Variants in DCAF1 observed in about 807,000 individuals in gnomAD.
DCAF1 encodes DDB1- and CUL4-associated factor 1.
DCAF1 carries 15 observed loss-of-function variants against 128.0 expected under a neutral mutation model. The observed-to-expected ratio is 0.12, with a 90% CI of 0.08 to 0.18. The LOEUF (loss-of-function observed/expected upper bound fraction) is 0.18. Among genes scored for constraint, DCAF1 ranks in the 10% least tolerant of loss-of-function variants. The pLI is 1.00. For synonymous variants in DCAF1, 610 were observed against 603.0 expected (o/e 1.01, Z -0.17); for missense variants, 988 against 1,649.5 (o/e 0.60, Z 6.95).
At chr3:51,479,239 G>A (rs571792531) in intron 3 of DCAF1, among the ~76,000 whole-genome samples, 22 of 152,286 alleles carry the variant, frequency 1.4e-4, no homozygotes, top group Non-Finnish European at 2.2e-4. Flanking sequence ...GGTGGCTCAC[G>A]CCTATAATCT....
intron 14 of DCAF1, among the ~76,000 whole-genome samples, chr3:51,421,287 C>A (rs373573625): frequency 6.6e-6 from 1 of 152,106 alleles, no homozygotes; most frequent in African/African-American, 2.4e-5. Context: ...GGCAGAGTCT[C>A]GCTCTGTCGC....
chr3:51,396,677 T>G (rs1559459938), downstream of DCAF1: 1 of 167,130 alleles, frequency 6.0e-6, no homozygotes, highest in Non-Finnish European at 1.5e-5. Flanking sequence ...AGCTGATGCC[T>G]CCTTAGCCCC....
intron 9 of DCAF1, among the ~76,000 whole-genome samples, chr3:51,433,886 G>T (rs2107594809): frequency 6.6e-6 from 1 of 150,712 alleles, no homozygotes; most frequent in East Asian, 2.1e-4. Context: ...TTCGAGACCA[G>T]CCTGGCCAAC....
intron 15 of DCAF1, 36 bp from the exon 16 acceptor site, chr3:51,418,912 T>A (rs965132107): frequency 2.6e-6 from 4 of 1,558,598 alleles, no homozygotes; most frequent in African/African-American, 1.4e-5. Context: ...AGGCAAAGAA[T>A]GTGCAGGGAC....
chr3:51,459,891 T>C (rs1288193506), intron 6 of DCAF1, among the ~76,000 whole-genome samples: 64 of 152,324 alleles, frequency 4.2e-4, no homozygotes, highest in African/African-American at 1.2e-3. Flanking sequence ...AAATTAGGTA[T>C]TGATGGGACC....
At chr3:51,472,658 TTTCATTAA>T (rs1208894242) in intron 3 of DCAF1, among the ~76,000 whole-genome samples, 2 of 152,024 alleles carry the variant, frequency 1.3e-5, no homozygotes, top group African/African-American at 4.8e-5. Context: ...AAAAGTTCTG[TTTCATTAA>T]TGCATTTTTT....
chr3:51,428,331 C>CTTTTTTT (rs35486639), intron 12 of DCAF1, among the ~76,000 whole-genome samples: 2 of 110,512 alleles, frequency 1.8e-5, no homozygotes, highest in East Asian at 2.7e-4. Flanking sequence ...CCACCATGCC[C>CTTTTTTT]TTTTTTTTTT....
At chr3:51,472,750 C>G (rs1553648877) in intron 3 of DCAF1, among the ~76,000 whole-genome samples, 1 of 151,514 alleles carries the variant, frequency 6.6e-6, no homozygotes, top group African/African-American at 2.4e-5. Context: ...CCACAACCTC[C>G]GCCTCCCAGG....
At chr3:51,405,158 C>T (rs2106916770) in intron 23 of DCAF1, among the ~76,000 whole-genome samples, 1 of 152,236 alleles carries the variant, frequency 6.6e-6, no homozygotes, top group East Asian at 1.9e-4. Context: ...GGACAGAACA[C>T]TTATATTTAA....
At chr3:51,399,598 G>A (rs1190730046) in intron 24 of DCAF1, among the ~76,000 whole-genome samples, 3 of 152,172 alleles carry the variant, frequency 2.0e-5, no homozygotes, top group African/African-American at 7.2e-5. Context: ...CTGTTAAGGG[G>A]TGAAACTTAA....
intron 3 of DCAF1, among the ~76,000 whole-genome samples, chr3:51,476,136 G>A (rs1247156939): frequency 4.6e-5 from 7 of 151,774 alleles, no homozygotes; most frequent in South Asian, 2.1e-4. Context: ...CGGGCCAGGC[G>A]CAGTGGAGCA....
intron 6 of DCAF1, among the ~76,000 whole-genome samples, chr3:51,460,167 C>T (rs1476429975): frequency 6.6e-6 from 1 of 152,176 alleles, no homozygotes; most frequent in East Asian, 1.9e-4. Flanking sequence ...CCCATCGTCT[C>T]AGCCCAAAAT....
At chr3:51,440,948 C>A (rs782615151) in intron 9 of DCAF1, 22 bp downstream of exon 9, 5 of 1,580,646 alleles carry the variant, frequency 3.2e-6, no homozygotes, top group Admixed American at 1.8e-5. Flanking sequence ...CCCCGGTGAC[C>A]CAATATTTTT....
chr3:51,468,328 C>T (rs1704357328), intron 4 of DCAF1, among the ~76,000 whole-genome samples: 1 of 152,106 alleles, frequency 6.6e-6, no homozygotes, highest in Non-Finnish European at 1.5e-5. Flanking sequence ...CCTGCCACCA[C>T]GCTCAGCTAA....
intron 14 of DCAF1, among the ~76,000 whole-genome samples, chr3:51,421,697 C>T (rs557241349): frequency 1.3e-5 from 2 of 152,272 alleles, no homozygotes; most frequent in South Asian, 4.2e-4. Context: ...TAGTCCTATC[C>T]TGCATCTTGT....
At chr3:51,502,576 A>AT (rs1159171666), upstream of DCAF1, among the ~76,000 whole-genome samples, 17 of 151,898 alleles carry the variant, frequency 1.1e-4, no homozygotes, top group African/African-American at 3.9e-4. Context: ...TTTTTTTTTA[A>AT]TTTTTTTAAA....
At chr3:51,400,705 C>A (rs548071540) in intron 24 of DCAF1, among the ~76,000 whole-genome samples, 1 of 152,178 alleles carries the variant, frequency 6.6e-6, no homozygotes, top group East Asian at 1.9e-4. Context: ...AATCCCAAAC[C>A]CTGGTTAGGA....
intron 2 of DCAF1, among the ~76,000 whole-genome samples, chr3:51,491,191 T>C (rs1707598380): frequency 6.7e-6 from 1 of 149,732 alleles, no homozygotes; most frequent in African/African-American, 2.5e-5. Context: ...CCAGTAAAAA[T>C]ACAAAAATTA....
At chr3:51,500,820 T>TG (rs1708766998), upstream of DCAF1, among the ~76,000 whole-genome samples, 1 of 150,276 alleles carries the variant, frequency 6.7e-6, no homozygotes, top group African/African-American at 2.5e-5. Flanking sequence ...GTCTTTTTTT[T>TG]TTTTTTTTTT....
Sources: allele counts gnomAD v4.1 joint callset (sites outside exome capture counted in the v4.1 genomes callset), GRCh38; gene constraint gnomAD v4.1.1; transcripts MANE v1.5; gene names NCBI Gene and HGNC (gene_info 2026-07-23, HGNC 2026-07-21).